Variants in OPCML observed in about 807,000 individuals in gnomAD.
The protein encoded by OPCML is opioid-binding protein/cell adhesion molecule.
OPCML carries 13 observed loss-of-function variants against 37.8 expected under a neutral mutation model. The ratio of observed to expected loss-of-function variants is 0.34; its 90% CI spans 0.22 to 0.55. The LOEUF (loss-of-function observed/expected upper bound fraction) is 0.55, where lower values mean the gene tolerates loss of function less well. Among genes scored for constraint, OPCML ranks in the 20% least tolerant of loss-of-function variants. The pLI is 0.91. For missense variants in OPCML, 341 were observed against 435.6 expected (o/e 0.78, Z 1.93); for synonymous variants, 176 against 168.8 (o/e 1.04, Z -0.33).
intron 1 of OPCML, among the ~76,000 whole-genome samples, chr11:133,303,651 A>G (rs142323238): frequency 6.6e-6 from 1 of 152,298 alleles, no homozygotes; most frequent in African/African-American, 2.4e-5. Flanking sequence ...GTGTTCTAAG[A>G]TTGACCTTGG....
intron 1 of OPCML, chr11:133,005,057 A>G: frequency 1.0e-6 from 1 of 985,344 alleles, no homozygotes; most frequent in Non-Finnish European, 1.2e-6. Flanking sequence ...GGAAGCTTTC[A>G]TGAATGCCAC....
At chr11:132,592,522 G>A (rs905104072) in intron 3 of OPCML, among the ~76,000 whole-genome samples, 23 of 152,218 alleles carry the variant, frequency 1.5e-4, no homozygotes, top group African/African-American at 5.5e-4. Flanking sequence ...CCAAGACTTT[G>A]AGCTGTCTGA....
chr11:132,872,580 G>A (rs892407540), intron 2 of OPCML, among the ~76,000 whole-genome samples: 1 of 152,116 alleles, frequency 6.6e-6, no homozygotes, highest in Non-Finnish European at 1.5e-5. Flanking sequence ...CAGCCACCGT[G>A]CTCACTCCCA....
intron 1 of OPCML, among the ~76,000 whole-genome samples, chr11:133,413,634 G>A (rs1296267068): frequency 6.6e-6 from 1 of 152,102 alleles, no homozygotes; most frequent in African/African-American, 2.4e-5. Context: ...CATGAGGTTC[G>A]CTTCAGCTGA....
chr11:133,452,721 C>T (rs1946604101), intron 1 of OPCML, among the ~76,000 whole-genome samples: 1 of 151,628 alleles, frequency 6.6e-6, no homozygotes, highest in Non-Finnish European at 1.5e-5. Context: ...AACATCTCTA[C>T]ATGACATTGA....
At chr11:133,047,100 A>G (rs1948031555) in intron 1 of OPCML, among the ~76,000 whole-genome samples, 1 of 152,210 alleles carries the variant, frequency 6.6e-6, no homozygotes, top group African/African-American at 2.4e-5. Flanking sequence ...TTGCATTTCC[A>G]TCACACAGAC....
chr11:132,431,819 C>G (rs542760810), intron 7 of OPCML, among the ~76,000 whole-genome samples: 1 of 152,212 alleles, frequency 6.6e-6, no homozygotes, highest in African/African-American at 2.4e-5. Context: ...TCTCAGAAAA[C>G]AGACTGACCG....
chr11:132,580,605 C>T (rs1446372466), intron 3 of OPCML, among the ~76,000 whole-genome samples: 2 of 152,242 alleles, frequency 1.3e-5, no homozygotes, highest in East Asian at 3.9e-4. Context: ...CACCTTTTGC[C>T]TTTCTTGCTT....
chr11:132,532,657 T>G (rs531438357), intron 3 of OPCML, among the ~76,000 whole-genome samples: 2 of 152,288 alleles, frequency 1.3e-5, no homozygotes, highest in South Asian at 4.1e-4. Flanking sequence ...GAAGCGTTCA[T>G]GCATTTGTGT....
chr11:132,946,564 C>T (rs936791638), intron 1 of OPCML, among the ~76,000 whole-genome samples: 1 of 152,138 alleles, frequency 6.6e-6, no homozygotes, highest in African/African-American at 2.4e-5. Context: ...TTTTTAGTTC[C>T]ACTGTAATCT....
intron 1 of OPCML, among the ~76,000 whole-genome samples, chr11:133,157,161 C>T (rs1436328248): frequency 6.6e-6 from 1 of 152,184 alleles, no homozygotes; most frequent in African/African-American, 2.4e-5. Context: ...CAAAATAGCT[C>T]TTGCTGAAGG....
At chr11:133,417,276 G>A (rs1283203627) in intron 1 of OPCML, among the ~76,000 whole-genome samples, 1 of 152,136 alleles carries the variant, frequency 6.6e-6, no homozygotes, top group African/African-American at 2.4e-5. Flanking sequence ...TGCTGCAATT[G>A]GCATGTGTGA....
intron 1 of OPCML, among the ~76,000 whole-genome samples, chr11:133,341,186 A>C (rs539067824): frequency 6.2e-4 from 95 of 152,332 alleles, no homozygotes; most frequent in African/African-American, 2.2e-3. Flanking sequence ...TGGGTGCTCA[A>C]TAAATAGTCA....
intron 1 of OPCML, among the ~76,000 whole-genome samples, chr11:133,245,580 T>C (rs946393285): frequency 3.3e-5 from 5 of 152,170 alleles, no homozygotes; most frequent in African/African-American, 1.2e-4. Flanking sequence ...GAGACTCGTG[T>C]GTCAAAATCT....
At chr11:133,189,697 G>A (rs1938226289) in intron 1 of OPCML, among the ~76,000 whole-genome samples, 1 of 152,152 alleles carries the variant, frequency 6.6e-6, no homozygotes, top group East Asian at 1.9e-4. Flanking sequence ...GTATCTGCTG[G>A]CCACTTTATC....
intron 1 of OPCML, among the ~76,000 whole-genome samples, chr11:133,078,090 G>A (rs548843328): frequency 6.6e-6 from 1 of 152,116 alleles, no homozygotes; most frequent in Admixed American, 6.5e-5. Context: ...TATTATCGGC[G>A]TACTGAAGTG....
In OPCML at chr11:133,080,484, T is replaced by G. The variant is rs761512088; in HGVS notation, c.62-137474A>C. ...CTTTGGTAATCAAATGTTTTTTTTT[T>G]TTTTTTTTTTCCTAAAATAGGCTTT... is the stretch of plus-strand genomic sequence containing the variant. On this transcript the variant is annotated intron_variant, in intron 1 of 7. Coordinates refer to ENST00000524381, the MANE Select transcript of OPCML (RefSeq NM_001012393.5). Among the ~76,000 whole-genome samples, 611 of 151,820 alleles carry G rather than the reference T, an allele frequency of 4.0e-3. 2 individuals carry two copies. Among genetic ancestry groups the G allele is most frequent in the South Asian group, 0.017 (80 of 4,804 alleles).
At chr11:133,157,561 G>T (rs754037862) in intron 1 of OPCML, among the ~76,000 whole-genome samples, 2 of 152,122 alleles carry the variant, frequency 1.3e-5, no homozygotes, top group African/African-American at 2.4e-5. Context: ...CCATCCTTCC[G>T]CTTTTTCTCA....
chr11:132,699,859 A>C (rs1943739417), intron 2 of OPCML, among the ~76,000 whole-genome samples: 2 of 152,074 alleles, frequency 1.3e-5, no homozygotes, highest in African/African-American at 2.4e-5. Context: ...TACTGGTCTC[A>C]TAAAACTAGT....
Sources: allele counts gnomAD v4.1 joint callset (sites outside exome capture counted in the v4.1 genomes callset), GRCh38; gene constraint gnomAD v4.1.1; transcripts MANE v1.5; gene names NCBI Gene and HGNC (gene_info 2026-07-23, HGNC 2026-07-21).